The following WDR19 variants were observed in gnomAD, a reference collection of about 807,000 sequenced individuals.
WDR19 encodes WD repeat-containing protein 19.
A neutral mutation model predicts 180.0 loss-of-function variants in WDR19; 121 were observed. That is an observed-to-expected ratio of 0.67 (90% CI 0.58 to 0.78). WDR19 has a LOEUF of 0.78. WDR19 is among the 30% of genes least tolerant of loss of function. The pLI is 0.00. For missense variants in WDR19, 1,450 were observed against 1,640.7 expected (o/e 0.88, Z 2.01); for synonymous variants, 497 against 540.7 (o/e 0.92, Z 1.12).
intron 5 of WDR19, among the ~76,000 whole-genome samples, chr4:39,197,794 G>T (rs575800891): frequency 1.3e-5 from 2 of 152,238 alleles, no homozygotes; most frequent in South Asian, 4.1e-4. Context: ...ATTCAAACAG[G>T]TACATCAGTA....
At chr4:39,205,302 A>G in intron 8 of WDR19, 36 bp downstream of exon 8, 1 of 1,502,642 alleles carries the variant, frequency 6.7e-7, no homozygotes, top group South Asian at 1.2e-5. Context: ...CAAAAAGCTC[A>G]TTACAGAAGG....
intron 31 of WDR19, among the ~76,000 whole-genome samples, 190 bp from the exon 32 acceptor site, chr4:39,272,790 C>CT (rs1382909203): frequency 1.3e-5 from 2 of 152,128 alleles, no homozygotes; most frequent in African/African-American, 4.8e-5. Flanking sequence ...TAGGTGAGGC[C>CT]ATGGGGCCAG....
rs193256660 is a variant in WDR19, at chr4:39,193,341, T to C, written c.291-1203T>C. ...CTCACCCAGCTAATTTTTGTATTTT[T>C]AGTAGAGACGGGTTCACCATAATGG... On this transcript the variant is annotated intron_variant, in intron 4 of 36. Coordinates refer to ENST00000399820, the MANE Select transcript of WDR19 (RefSeq NM_025132.4). 3.3e-5 allele frequency among the ~76,000 whole-genome samples: 5 copies of C among 152,106 alleles called. No individual in the cohort carries two copies. In the East Asian group the frequency reaches 9.7e-4, roughly 29 times the overall value.
chr4:39,215,770 G>C, intron 10 of WDR19, 71 bp from the exon 11 acceptor site: 1 of 1,431,988 alleles, frequency 7.0e-7, no homozygotes, highest in East Asian at 2.4e-5. Flanking sequence ...TAGCTTAAAT[G>C]AAAATATTTG....
chr4:39,266,007 A>C (rs1734751803), intron 28 of WDR19, 56 bp from the exon 29 acceptor site: 4 of 1,431,732 alleles, frequency 2.8e-6, no homozygotes, highest in Non-Finnish European at 3.9e-6. Context: ...CTTTTTCTCC[A>C]CTCTTGCTCG....
chr4:39,210,530 C>T (rs1320965414), intron 9 of WDR19, among the ~76,000 whole-genome samples: 1 of 150,804 alleles, frequency 6.6e-6, no homozygotes, highest in African/African-American at 2.4e-5. Flanking sequence ...AACAAAATAG[C>T]CAGGCATGGC....
Position 39,214,610 on chromosome 4 carries a change from C to G in WDR19, c.900C>G (p.Ile300Met). 6.4e-7 allele frequency: 1 copy of G among 1,559,816 alleles called. No homozygotes were observed. Among genetic ancestry groups the G allele is most frequent in the Non-Finnish European group, 8.7e-7 (1 of 1,145,966 alleles). The change falls in exon 10 of 37, where the codon ATC becomes ATG. Residue 300 changes from isoleucine (I) to methionine (M), a missense_variant. Transcript: ENST00000399820. ...VATCGDNCIK[I>M]QDLVDLKDMY... ...CATTTTTGTTTTTCAGCATTAAAATCCAAGACTTGGTTGACTTAAAAGACA... is the reference window on the plus strand; with the variant it reads ...CATTTTTGTTTTTCAGCATTAAAATGCAAGACTTGGTTGACTTAAAAGACA...
Position 39,253,366 on chromosome 4 carries a change from A to C in WDR19, c.2876+74A>C, listed in dbSNP as rs1452848320. ...AGTAAGCCTCTGCCTTCTATCATCA[A>C]ATATATTAATTCAAAAGGAATATTT... On this transcript the variant is annotated intron_variant, in intron 25 of 36. Coordinates refer to ENST00000399820, the MANE Select transcript of WDR19 (RefSeq NM_025132.4). 10 of 1,419,512 alleles carry C rather than the reference A, an allele frequency of 7.0e-6. No homozygotes were observed. The East Asian group carries it at 1.7e-4, about 25-fold the overall frequency. 87.9% of individuals were successfully genotyped at this position (1,419,512 alleles called of 1,614,324 possible).
chr4:39,270,234 C>A, intron 31 of WDR19, 134 bp downstream of exon 31: 2 of 1,230,318 alleles, frequency 1.6e-6, no homozygotes, highest in Non-Finnish European at 2.2e-6. Flanking sequence ...AAACAAGATA[C>A]AGAACATATC....
chr4:39,201,640 C>T (rs149873704), intron 6 of WDR19, among the ~76,000 whole-genome samples: 6 of 152,162 alleles, frequency 3.9e-5, no homozygotes, highest in Non-Finnish European at 7.4e-5. Context: ...TTTTCAATGC[C>T]CTTTAGAAAT....
At chr4:39,260,400 C>T (rs551976641) in intron 28 of WDR19, among the ~76,000 whole-genome samples, 3 of 145,564 alleles carry the variant, frequency 2.1e-5, no homozygotes, top group East Asian at 2.0e-4. Context: ...TTCAGTGGTG[C>T]GATCTCAGCT....
At chr4:39,185,878 T>A in intron 2 of WDR19, 61 bp downstream of exon 2, 15 of 1,256,190 alleles carry the variant, frequency 1.2e-5, no homozygotes, top group Non-Finnish European at 1.6e-5. Context: ...CACCATCTAC[T>A]CAGTAGAAGT....
At chr4:39,242,922 C>T (rs886814485) in intron 21 of WDR19, among the ~76,000 whole-genome samples, 4 of 152,078 alleles carry the variant, frequency 2.6e-5, no homozygotes, top group Admixed American at 1.3e-4. Flanking sequence ...CCCACCTCAG[C>T]CTCCCAAAGT....
At chr4:39,255,997 A>G (rs1411017156) in intron 27 of WDR19, 37 bp downstream of exon 27, 10 of 1,385,520 alleles carry the variant, frequency 7.2e-6, no homozygotes, top group Non-Finnish European at 1.0e-5. Context: ...CTGACTCCGC[A>G]GGAATAATTG....
At position 39,184,536 on chromosome 4, in the gene WDR19, G is replaced by A. The variant is rs1472855467; in HGVS notation, c.7-1190G>A. On this transcript the variant is annotated intron_variant, in intron 1 of 36. Coordinates refer to ENST00000399820, the MANE Select transcript of WDR19 (RefSeq NM_025132.4). ...GGCTGGAGTGCAGTGGCACCATCTC[G>A]GCTCACTGCAACCTCCACCTCCCGG... Among the ~76,000 whole-genome samples the A allele has an allele frequency of 4.6e-5, 7 of 151,354 alleles. No individual in the cohort carries two copies. The East Asian group carries it at 7.8e-4, about 17-fold the overall frequency.
chr4:39,201,498 C>T (rs1299550727), intron 6 of WDR19, among the ~76,000 whole-genome samples: 1 of 152,178 alleles, frequency 6.6e-6, no homozygotes, highest in East Asian at 1.9e-4. Flanking sequence ...AGCAGAACAG[C>T]AAGGAAAAAC....
chr4:39,282,232 G>C (rs1350484904), intron 36 of WDR19, among the ~76,000 whole-genome samples: 1 of 152,208 alleles, frequency 6.6e-6, no homozygotes, highest in Non-Finnish European at 1.5e-5. Context: ...ACTGGTGTGG[G>C]AAATTTAGGG....
At chr4:39,252,539 T>A (rs973692690) in intron 24 of WDR19, among the ~76,000 whole-genome samples, 45 of 151,924 alleles carry the variant, frequency 3.0e-4, no homozygotes, top group East Asian at 7.7e-4. Flanking sequence ...AATTAAAAAA[T>A]TTTTTAAAGA....
chr4:39,207,441 A>G (rs1258918489), intron 9 of WDR19, among the ~76,000 whole-genome samples: 1 of 152,210 alleles, frequency 6.6e-6, no homozygotes, highest in Non-Finnish European at 1.5e-5. Context: ...CCCCAAAAGG[A>G]TAAACCAGAA....
Sources: allele counts gnomAD v4.1 joint callset (sites outside exome capture counted in the v4.1 genomes callset), GRCh38; gene constraint gnomAD v4.1.1; transcripts MANE v1.5; gene names NCBI Gene and HGNC (gene_info 2026-07-23, HGNC 2026-07-21).